Variants in MAGI1 observed in about 807,000 individuals in gnomAD.
MAGI1 encodes the protein membrane associated guanylate kinase, WW and PDZ domain containing 1.
In MAGI1, 58 loss-of-function variants were observed where a neutral mutation model predicts 139.9. The observed-to-expected ratio is 0.41, with a 90% CI of 0.34 to 0.52. MAGI1 has a LOEUF of 0.52. Among genes scored for constraint, MAGI1 ranks in the 20% least tolerant of loss-of-function variants. The pLI, the probability that MAGI1 is intolerant of heterozygous loss-of-function variation, is 0.12. For synonymous variants in MAGI1, 812 were observed against 737.9 expected, an observed-to-expected ratio of 1.10 and a Z score of -1.63; for missense variants, 1,874 against 1,901.6, an observed-to-expected ratio of 0.99 and a Z score of 0.27.
chr3:65,789,735 G>A lies in MAGI1; in HGVS notation c.314-167647C>T, dbSNP rs1021519950. Among the ~76,000 whole-genome samples, 16 of 152,240 alleles carry A rather than the reference G, an allele frequency of 1.1e-4. 1 individual carries two copies. Among genetic ancestry groups the A allele is most frequent in the Admixed American group, 1.0e-3 (16 of 15,296 alleles). On this transcript the variant is annotated intron_variant, in intron 1 of 22. Transcript: ENST00000402939. ...CCACGGCCCTATGGCTGCAATTAGG[G>A]ACCTAAAACTGATGAGCACTAGGTG...
At chr3:65,530,760 T>G (rs1182158225) in intron 2 of MAGI1, among the ~76,000 whole-genome samples, 4 of 21,170 alleles carry the variant, frequency 1.9e-4, no homozygotes, top group Non-Finnish European at 6.7e-4. Flanking sequence ...TATACACGTA[T>G]ATATATATAT....
In MAGI1 at chr3:65,600,636, G is replaced by A. The variant is rs1183376702; in HGVS notation, c.430+21336C>T. Among the ~76,000 whole-genome samples, 4 of 33,898 alleles carry A rather than the reference G, an allele frequency of 1.2e-4. No homozygotes were observed. In the Admixed American group the frequency reaches 1.3e-3, roughly 11 times the overall value. The allele number at this position is 33,898 out of a possible 152,430, so 22.2% of individuals were successfully genotyped here. On this transcript the variant is annotated intron_variant, in intron 2 of 22. Transcript: ENST00000402939. ...TCCTGGGCTAGCCAGCTTCATGGGC[G>A]CCTGGCTTATAGAGCCAAGGGCAAG...
At chr3:65,870,071 C>T (rs2059886417) in intron 1 of MAGI1, among the ~76,000 whole-genome samples, 1 of 152,086 alleles carries the variant, frequency 6.6e-6, no homozygotes, top group Non-Finnish European at 1.5e-5. Context: ...AAATGCATTT[C>T]CTCTTAGAAA....
intron 3 of MAGI1, among the ~76,000 whole-genome samples, chr3:65,491,191 G>A (rs988955494): frequency 6.6e-6 from 1 of 151,944 alleles, no homozygotes; most frequent in East Asian, 1.9e-4. Context: ...GAGTCACACT[G>A]AGCTGGGTTT....
chr3:65,974,007 T>C (rs2065132182), intron 1 of MAGI1, among the ~76,000 whole-genome samples: 1 of 152,122 alleles, frequency 6.6e-6, no homozygotes, highest in African/African-American at 2.4e-5. Context: ...ACATCAAATA[T>C]GGTTTAAATG....
At chr3:65,798,290 C>T (rs1369044512) in intron 1 of MAGI1, among the ~76,000 whole-genome samples, 2 of 151,978 alleles carry the variant, frequency 1.3e-5, no homozygotes, top group African/African-American at 4.8e-5. Context: ...GGCAACAAAG[C>T]GAGACTCCAT....
At chr3:65,551,137 A>G (rs2107966739) in intron 2 of MAGI1, among the ~76,000 whole-genome samples, 1 of 152,144 alleles carries the variant, frequency 6.6e-6, no homozygotes, top group East Asian at 1.9e-4. Context: ...CATGATGGTG[A>G]GTTCTCAGGA....
rs571212652 is a variant in MAGI1 at position 65,676,745 on chromosome 3, C to A, written c.314-54657G>T. ...TCTCATTCTCAACTCCAAGCCCAAT[C>A]CTTTTGTTCTTTTCTCAGGAGCTTT... On this transcript the variant is annotated intron_variant, in intron 1 of 22. Coordinates refer to ENST00000402939, the MANE Select transcript of MAGI1 (RefSeq NM_001033057.2). 1.8e-3 allele frequency among the ~76,000 whole-genome samples: 270 copies of A among 152,328 alleles called. 1 individual carries two copies. Among genetic ancestry groups the A allele is most frequent in the South Asian group, 4.3e-3 (21 of 4,834 alleles).
chr3:65,465,106 T>C (rs1390281376), intron 5 of MAGI1, among the ~76,000 whole-genome samples: 1 of 150,774 alleles, frequency 6.6e-6, no homozygotes, highest in Non-Finnish European at 1.5e-5. Flanking sequence ...TCTTTTACCC[T>C]CCCTCACTTA....
At position 65,408,946 on chromosome 3, in the gene MAGI1, T is replaced by C. The variant is rs137916669; in HGVS notation, c.2168-7476A>G. ...CTGTGGGGAGACAGAATAAACAACTTAGCAAACAATTTCAGAGAGTGGTAA... is the reference window on the plus strand; with the variant it reads ...CTGTGGGGAGACAGAATAAACAACTCAGCAAACAATTTCAGAGAGTGGTAA... On this transcript the variant is annotated intron_variant, in intron 12 of 22. Coordinates refer to ENST00000402939, the MANE Select transcript of MAGI1 (RefSeq NM_001033057.2). Among the ~76,000 whole-genome samples the C allele has an allele frequency of 3.1e-3, 479 of 152,248 alleles. 7 individuals are homozygous for C. The highest frequency in any genetic ancestry group is 0.012 in the East Asian group (60 of 5,162).
At chr3:65,777,655 A>AAG (rs1553705568) in intron 1 of MAGI1, among the ~76,000 whole-genome samples, 12 of 145,448 alleles carry the variant, frequency 8.3e-5, no homozygotes, top group Admixed American at 2.8e-4. Flanking sequence ...AAAAAAAAAA[A>AAG]AAAGAAAGAA....
chr3:65,568,863 C>G (rs2080808156), intron 2 of MAGI1, among the ~76,000 whole-genome samples: 1 of 152,154 alleles, frequency 6.6e-6, no homozygotes, highest in Admixed American at 6.5e-5. Context: ...TCCGCATTTC[C>G]AAAGTTTCTA....
chr3:65,618,682 T>C (rs905447824), intron 2 of MAGI1, among the ~76,000 whole-genome samples: 1 of 152,206 alleles, frequency 6.6e-6, no homozygotes, highest in Admixed American at 6.5e-5. Flanking sequence ...ACAATGCTAC[T>C]TGCTGTGTGA....
chr3:65,559,900 G>A (rs1171508214), intron 2 of MAGI1, among the ~76,000 whole-genome samples: 2 of 152,098 alleles, frequency 1.3e-5, no homozygotes, highest in Non-Finnish European at 2.9e-5. Flanking sequence ...GCCGGGTATG[G>A]TGGCATGCAA....
At chr3:65,505,393 TA>T (rs55921332) in intron 2 of MAGI1, among the ~76,000 whole-genome samples, 140,314 of 145,496 alleles carry the variant, frequency 0.96, 67,692 homozygotes, top group Middle Eastern at 0.99. Context: ...CTTGCTTAGT[TA>T]AAAAAAAAAA....
chr3:65,993,036 G>C (rs960072712), intron 1 of MAGI1, among the ~76,000 whole-genome samples: 1 of 151,786 alleles, frequency 6.6e-6, no homozygotes, highest in African/African-American at 2.4e-5. Context: ...TCACTATATT[G>C]CCCAGGGTGG....
Position 65,621,959 on chromosome 3 carries a change from T to G in MAGI1, c.430+13A>C, listed in dbSNP as rs1253482838. The stretch of plus-strand genomic sequence containing the variant: ...CACACACAGCAGTGAGATGCCAAAG[T>G]CCAACTACTTACAAGGCACAGCATG... On this transcript the variant is annotated intron_variant, in intron 2 of 22. Coordinates refer to ENST00000402939, the MANE Select transcript of MAGI1 (RefSeq NM_001033057.2). 1 of 1,569,818 alleles carries G rather than the reference T, an allele frequency of 6.4e-7. No individual in the cohort carries two copies. Among genetic ancestry groups the G allele is most frequent in the Non-Finnish European group, 8.7e-7 (1 of 1,146,738 alleles).
intron 10 of MAGI1, among the ~76,000 whole-genome samples, chr3:65,433,143 C>A (rs898110805): frequency 6.6e-6 from 1 of 152,094 alleles, no homozygotes; most frequent in Non-Finnish European, 1.5e-5. Flanking sequence ...TTGTCTGGTA[C>A]ATTTTATGTG....
intron 10 of MAGI1, among the ~76,000 whole-genome samples, chr3:65,434,699 A>C (rs1318509816): frequency 6.6e-6 from 1 of 152,208 alleles, no homozygotes; most frequent in Non-Finnish European, 1.5e-5. Flanking sequence ...AGTCTAGGTT[A>C]ATGTTTATTG....
Sources: gnomAD v4.1 joint callset for allele counts (sites outside exome capture counted in the v4.1 genomes callset) on GRCh38, gnomAD v4.1.1 for gene constraint, MANE v1.5 for transcripts, NCBI Gene and HGNC (gene_info 2026-07-23, HGNC 2026-07-21) for gene names.